Variants in TTBK1 observed in about 807,000 individuals in gnomAD.
TTBK1 encodes the protein tau tubulin kinase 1.
A neutral mutation model predicts 108.5 loss-of-function variants in TTBK1; 34 were observed. The ratio of observed to expected loss-of-function variants is 0.31; its 90% CI spans 0.24 to 0.42. TTBK1 has a LOEUF of 0.42. Among genes scored for constraint, TTBK1 ranks in the 10% least tolerant of loss-of-function variants. TTBK1 has a pLI of 1.00. For missense variants in TTBK1, 1,539 were observed against 1,826.0 expected, an observed-to-expected ratio of 0.84 and a Z score of 2.86; for synonymous variants, 809 against 795.1, an observed-to-expected ratio of 1.02 and a Z score of -0.29.
At chr6:43,272,303 G>C in intron 13 of TTBK1, 1 of 985,490 alleles carries the variant, frequency 1.0e-6, no homozygotes, top group South Asian at 4.7e-5. Context: ...CTCCATCTCA[G>C]TGACCAGAAC....
chr6:43,284,924 T>C lies in TTBK1; in HGVS notation c.3573-59T>C. ...CAGTGCCCAGGAGGATTCTGAAATA[T>C]TTCTCCTTGTTTTGTTTCTTTGCCC... On this transcript the variant is annotated intron_variant, in intron 14 of 14. Transcript: ENST00000259750. The C allele has an allele frequency of 2.7e-6, 4 of 1,475,730 alleles. No homozygotes were observed. In the East Asian group the frequency reaches 8.6e-5, roughly 32 times the overall value. 91.4% of individuals were successfully genotyped at this position (1,475,730 alleles called of 1,614,324 possible).
In TTBK1 at chr6:43,263,113, G is replaced by A. The variant is rs1777586184; in HGVS notation, c.1749G>A (p.Glu583=). The change falls in exon 13 of 15, where the codon GAG becomes GAA. Residue 583 remains glutamate (E), a synonymous_variant. Transcript: ENST00000259750. The surrounding 1 kb of genome is among the most constrained non-coding windows in gnomAD (Gnocchi z 4.7). ...ELRPLPEEGE[E]RRRLGAEPTV... is the part of the protein sequence containing the mutation. ...GGCCACTGCCCGAGGAGGGCGAAGA[G>A]CGGCGGCGGCTGGGGGCAGAGCCCA... The A allele has an allele frequency of 2.6e-6, 4 of 1,566,472 alleles. No individual in the cohort carries two copies. Among genetic ancestry groups the A allele is most frequent in the African/African-American group, 1.4e-5 (1 of 74,018 alleles).
chr6:43,280,271 C>T (rs993377981), intron 13 of TTBK1, among the ~76,000 whole-genome samples: 1 of 152,128 alleles, frequency 6.6e-6, no homozygotes, highest in Admixed American at 6.5e-5. Flanking sequence ...ATGGAGGCTT[C>T]GGCTGGCAGA....
chr6:43,277,524 C>A (rs971700866), intron 13 of TTBK1, among the ~76,000 whole-genome samples: 6 of 152,224 alleles, frequency 3.9e-5, no homozygotes, highest in Non-Finnish European at 4.4e-5. Flanking sequence ...AGACGCCCCC[C>A]ACAGGCTGTC....
intron 13 of TTBK1, chr6:43,271,871 ACCCCCAC>A: frequency 5.5e-6 from 2 of 363,208 alleles, no homozygotes; most frequent in South Asian, 2.4e-4. Flanking sequence ...CTTGTGCCCC[ACCCCCAC>A]CCCCATCTCA....
At chr6:43,260,015 G>A (rs1777495641) in intron 12 of TTBK1, among the ~76,000 whole-genome samples, 1 of 152,200 alleles carries the variant, frequency 6.6e-6, no homozygotes, top group Non-Finnish European at 1.5e-5. Context: ...GGGTGTGTGT[G>A]CTTCCAGAAT....
chr6:43,267,704 G>A lies in TTBK1; in HGVS notation c.1986+4354G>A, dbSNP rs115726420. On this transcript the variant is annotated intron_variant, in intron 13 of 14. Transcript: ENST00000259750. The stretch of plus-strand genomic sequence containing the variant: ...ATTTAAGGTGCAAATTAGGAGTTGC[G>A]GGAAAAGCTAGGGCAAGGGTGAAGC... Among the ~76,000 whole-genome samples the A allele has an allele frequency of 3.9e-3, 598 of 152,152 alleles. 3 individuals are homozygous for A. Among genetic ancestry groups the A allele is most frequent in the African/African-American group, 0.014 (570 of 41,486 alleles).
Position 43,259,836 on chromosome 6 carries a change from G to T in TTBK1, c.1424+130G>T. Reference sequence around the variant, plus strand: ...GGGAAGTGCTGAGAGGGTTATACTTGGGCCTGGGGTCAGACTCAGTTGGGG... The same window carrying T: ...GGGAAGTGCTGAGAGGGTTATACTTTGGCCTGGGGTCAGACTCAGTTGGGG... On this transcript the variant is annotated intron_variant, in intron 12 of 14. Coordinates refer to ENST00000259750, the MANE Select transcript of TTBK1 (RefSeq NM_032538.3). This position sits in a 1 kb window ranked among gnomAD's most constrained non-coding sequence, Gnocchi z 6.7. The T allele has an allele frequency of 1.0e-6, 1 of 981,084 alleles. No individual in the cohort carries two copies. The highest frequency in any genetic ancestry group is 1.4e-6 in the Non-Finnish European group (1 of 690,836). The allele number at this position is 981,084 out of a possible 1,614,324, so 60.8% of individuals were successfully genotyped here. A position where few individuals can be genotyped will look rare whatever the true frequency, so the allele number is the denominator to read the frequency against.
Position 43,258,402 on chromosome 6 carries a change from G to A in TTBK1, c.1016+436G>A, listed in dbSNP as rs187746099. Among the ~76,000 whole-genome samples, 822 of 152,210 alleles carry A rather than the reference G, an allele frequency of 5.4e-3. 9 individuals carry two copies. The highest frequency in any genetic ancestry group is 7.7e-3 in the Non-Finnish European group (526 of 68,010). On this transcript the variant is annotated intron_variant, in intron 10 of 14. Coordinates refer to ENST00000259750, the MANE Select transcript of TTBK1 (RefSeq NM_032538.3). ...ATGTGACAGGCACAAAGACAGAGGT[G>A]GTCGAGGGAGGAGCTGGAGTTAGAA... is the stretch of plus-strand genomic sequence containing the variant.
chr6:43,255,407 G>C, intron 7 of TTBK1, 145 bp from the exon 8 acceptor site: 1 of 748,932 alleles, frequency 1.3e-6, no homozygotes. Context: ...TGGGGATGGA[G>C]CTGTGGCCTC....
rs1427692476 is a variant in TTBK1, at chr6:43,243,923, C to T, written c.-55+215C>T. On this transcript the variant is annotated intron_variant, in intron 1 of 14. Coordinates refer to ENST00000259750, the MANE Select transcript of TTBK1 (RefSeq NM_032538.3). The surrounding 1 kb of genome is among the most constrained non-coding windows in gnomAD (Gnocchi z 5.5). ...AGCACACAGACCTCCCTCCCCAACC[C>T]GTCCTCCGGGCACTTTGCTCCTCCC... Among the ~76,000 whole-genome samples the T allele has an allele frequency of 6.6e-6, 1 of 152,132 alleles. No individual in the cohort carries two copies. Among genetic ancestry groups the T allele is most frequent in the Non-Finnish European group, 1.5e-5 (1 of 67,984 alleles).
rs542901552 is a variant in TTBK1, at chr6:43,252,028, C to G, written c.109-711C>G. Among the ~76,000 whole-genome samples the G allele has an allele frequency of 2.0e-5, 3 of 151,968 alleles. No homozygotes were observed. In the South Asian group the frequency reaches 6.2e-4, roughly 32 times the overall value. On this transcript the variant is annotated intron_variant, in intron 2 of 14. Transcript: ENST00000259750. ...GTTTTCCTTCTGGATAGGGGTCGCT[C>G]AGTCTACACAGGGGATGGGGGAACA...
rs1006331802 is a variant in TTBK1 at position 43,273,276 on chromosome 6, C to T, written c.1987-9451C>T. Among the ~76,000 whole-genome samples, 2 of 152,192 alleles carry T rather than the reference C, an allele frequency of 1.3e-5. No homozygotes were observed. The highest frequency in any genetic ancestry group is 4.8e-5 in the African/African-American group (2 of 41,434). Reference sequence around the variant, plus strand: ...GATTGTCCTTTGCGGTGGGCCCCCTCCTCAGTCTATAGAAAAGAGGGGAGT... The same window carrying T: ...GATTGTCCTTTGCGGTGGGCCCCCTTCTCAGTCTATAGAAAAGAGGGGAGT... On this transcript the variant is annotated intron_variant, in intron 13 of 14. Transcript: ENST00000259750. This position sits in a 1 kb window ranked among gnomAD's most constrained non-coding sequence, Gnocchi z 4.2.
intron 1 of TTBK1, 80 bp from the exon 2 acceptor site, chr6:43,246,527 A>G (rs1777090015): frequency 5.0e-6 from 3 of 604,986 alleles, no homozygotes; most frequent in Non-Finnish European, 8.8e-6. Flanking sequence ...GCAGAGCAGG[A>G]GTGGAGCTCC....
intron 13 of TTBK1, chr6:43,270,683 G>A (rs1427860241): frequency 1.0e-6 from 1 of 985,400 alleles, no homozygotes; most frequent in East Asian, 1.1e-4. Context: ...TGGTAGGATT[G>A]GGTGTCTGTC....
chr6:43,249,392 G>C (rs1267888031), intron 2 of TTBK1, among the ~76,000 whole-genome samples: 2 of 152,078 alleles, frequency 1.3e-5, no homozygotes, highest in East Asian at 1.9e-4. Context: ...GAGACTGAGA[G>C]AATATTCCTA....
At chr6:43,252,630 A>G (rs994103626) in intron 2 of TTBK1, 109 bp from the exon 3 acceptor site, 27 of 1,339,072 alleles carry the variant, frequency 2.0e-5, no homozygotes, top group Non-Finnish European at 2.5e-5. Context: ...TCAAAAAAAA[A>G]AAAAGATACC....
chr6:43,275,372 C>A (rs991726856), intron 13 of TTBK1, among the ~76,000 whole-genome samples: 1 of 151,902 alleles, frequency 6.6e-6, no homozygotes, highest in Admixed American at 6.5e-5. Context: ...CCCCGTCGCC[C>A]CGCCTTCGCG....
chr6:43,283,683 C>T lies in TTBK1; in HGVS notation c.2943C>T (p.Asn981=), dbSNP rs200796342. ...VEEGARAPLE[N]GLALSGLNGA... Reference sequence around the variant, plus strand: ...AGGGGGCCCGAGCGCCCCTGGAGAACGGCCTCGCCCTGTCAGGGCTGAATG... The same window carrying T: ...AGGGGGCCCGAGCGCCCCTGGAGAATGGCCTCGCCCTGTCAGGGCTGAATG... The change falls in exon 14 of 15, where the codon AAC becomes AAT. Residue 981 remains asparagine, a synonymous_variant. Coordinates refer to ENST00000259750, the MANE Select transcript of TTBK1 (RefSeq NM_032538.3). The surrounding 1 kb of genome is among the most constrained non-coding windows in gnomAD (Gnocchi z 8.1). The T allele has an allele frequency of 3.5e-5, 57 of 1,613,954 alleles. No individual in the cohort carries two copies. The highest frequency in any genetic ancestry group is 1.6e-4 in the Middle Eastern group (1 of 6,062).
Sources: allele counts gnomAD v4.1 joint callset (sites outside exome capture counted in the v4.1 genomes callset), GRCh38; gene constraint gnomAD v4.1.1; non-coding constraint Gnocchi (gnomAD v3.1); transcripts MANE v1.5; gene names NCBI Gene and HGNC (gene_info 2026-07-23, HGNC 2026-07-21).